The following XRCC4 variants were observed in gnomAD, a reference collection of about 807,000 sequenced individuals.
XRCC4 encodes the protein DNA repair protein XRCC4.
XRCC4 carries 28 observed loss-of-function variants against 39.1 expected under a neutral mutation model. The observed-to-expected ratio is 0.72, with a 90% CI of 0.53 to 0.98. The LOEUF is 0.98. Among genes scored for constraint, XRCC4 ranks in the 50% least tolerant of loss-of-function variants. The probability of loss-of-function intolerance (pLI) is 0.00; values close to 1 mark genes in which losing one functional copy is unlikely to be tolerated. For missense variants in XRCC4, 350 were observed against 376.4 expected (o/e 0.93, Z 0.58); for synonymous variants, 123 against 126.4 (o/e 0.97, Z 0.18).
intron 3 of XRCC4, among the ~76,000 whole-genome samples, chr5:83,156,218 G>T (rs1274532870): frequency 2.6e-5 from 4 of 151,350 alleles, no homozygotes; most frequent in East Asian, 3.9e-4. Context: ...TACAATTCGT[G>T]TGCAGTTATT....
chr5:83,269,089 G>A (rs951791177), intron 7 of XRCC4, among the ~76,000 whole-genome samples: 1 of 152,106 alleles, frequency 6.6e-6, no homozygotes, highest in African/African-American at 2.4e-5. Context: ...TAATAAGATG[G>A]TCTTTCGGGT....
chr5:83,276,243 A>G (rs960366539), intron 7 of XRCC4, among the ~76,000 whole-genome samples: 1 of 152,168 alleles, frequency 6.6e-6, no homozygotes, highest in African/African-American at 2.4e-5. Context: ...TTTATTAAAT[A>G]CTGTACAGAA....
At chr5:83,283,723 G>T (rs1305433821) in intron 7 of XRCC4, among the ~76,000 whole-genome samples, 3 of 152,022 alleles carry the variant, frequency 2.0e-5, no homozygotes. Context: ...TGTTCCATGT[G>T]CCCCACCTTC....
intron 7 of XRCC4, among the ~76,000 whole-genome samples, chr5:83,335,144 C>T (rs986646405): frequency 6.6e-6 from 1 of 151,900 alleles, no homozygotes; most frequent in Non-Finnish European, 1.5e-5. Context: ...CCTGTTAACC[C>T]ACCCTACCTA....
chr5:83,094,207 T>A (rs973197420), intron 1 of XRCC4, among the ~76,000 whole-genome samples: 2 of 152,116 alleles, frequency 1.3e-5, no homozygotes, highest in African/African-American at 4.8e-5. Flanking sequence ...CTACCTACTT[T>A]GTTTTTCTAC....
At chr5:83,247,262 C>G (rs1354465990) in intron 6 of XRCC4, among the ~76,000 whole-genome samples, 1 of 152,110 alleles carries the variant, frequency 6.6e-6, no homozygotes, top group Non-Finnish European at 1.5e-5. Context: ...GATGATGATG[C>G]CTTCATCCAT....
At chr5:83,132,296 A>C (rs7721584) in intron 3 of XRCC4, among the ~76,000 whole-genome samples, 73,571 of 151,676 alleles carry the variant, frequency 0.49, 18,812 homozygotes, top group African/African-American at 0.63. Flanking sequence ...TGACCTTTCT[A>C]TGTGGCTGCC....
intron 7 of XRCC4, among the ~76,000 whole-genome samples, chr5:83,262,261 T>C (rs1753779531): frequency 6.6e-6 from 1 of 152,172 alleles, no homozygotes; most frequent in South Asian, 2.1e-4. Flanking sequence ...AGTTTGTGCC[T>C]GGTTACTTCC....
intron 7 of XRCC4, among the ~76,000 whole-genome samples, chr5:83,300,952 T>G (rs1755264096): frequency 6.6e-6 from 1 of 152,218 alleles, no homozygotes; most frequent in South Asian, 2.1e-4. Flanking sequence ...GGTGTATATG[T>G]GCCACATTTT....
At chr5:83,246,324 T>G (rs1580419252) in intron 6 of XRCC4, among the ~76,000 whole-genome samples, 1 of 152,160 alleles carries the variant, frequency 6.6e-6, no homozygotes. Context: ...GACTAGAATA[T>G]TCTCCACAGG....
At chr5:83,294,474 CAGTT>C (rs1462008569) in intron 7 of XRCC4, among the ~76,000 whole-genome samples, 11 of 152,146 alleles carry the variant, frequency 7.2e-5, no homozygotes, top group Non-Finnish European at 1.3e-4. Flanking sequence ...TCATGACTGT[CAGTT>C]AAACTTCGGT....
chr5:83,358,704 C>T (rs1001810809), downstream of XRCC4, among the ~76,000 whole-genome samples: 3 of 152,130 alleles, frequency 2.0e-5, no homozygotes, highest in South Asian at 6.2e-4. Context: ...AAATCTCTGA[C>T]TTAACTGCAA....
chr5:83,279,035 TATA>T (rs1422393319), intron 7 of XRCC4, among the ~76,000 whole-genome samples: 1 of 145,864 alleles, frequency 6.9e-6, no homozygotes, highest in Non-Finnish European at 1.5e-5. Context: ...ATATATATTT[TATA>T]ATATATTATA....
chr5:83,135,545 G>A (rs1747854910), intron 3 of XRCC4, among the ~76,000 whole-genome samples: 1 of 151,646 alleles, frequency 6.6e-6, no homozygotes, highest in African/African-American at 2.4e-5. Context: ...CTCGTTTTTT[G>A]GGGATTCCAT....
chr5:83,325,856 C>T (rs1000081415), intron 7 of XRCC4, among the ~76,000 whole-genome samples: 3 of 151,886 alleles, frequency 2.0e-5, no homozygotes, highest in East Asian at 1.9e-4. Flanking sequence ...ATGGTATTTC[C>T]GGTTCTAGGT....
intron 3 of XRCC4, among the ~76,000 whole-genome samples, chr5:83,129,651 T>C (rs1383809870): frequency 6.6e-6 from 1 of 152,126 alleles, no homozygotes; most frequent in East Asian, 1.9e-4. Context: ...TTTTATTTCA[T>C]TGAGCGTGGT....
intron 4 of XRCC4, among the ~76,000 whole-genome samples, chr5:83,202,362 G>A (rs895087945): frequency 1.3e-5 from 2 of 152,160 alleles, no homozygotes; most frequent in Non-Finnish European, 2.9e-5. Flanking sequence ...GTCTGCTTTC[G>A]TGGAGTTCAC....
the XRCC4 span, among the ~76,000 whole-genome samples, chr5:83,360,014 T>C: frequency 6.6e-6 from 1 of 152,156 alleles, no homozygotes; most frequent in African/African-American, 2.4e-5. Flanking sequence ...CATAGTACTA[T>C]ATATTTTATA....
At chr5:83,127,546 CGTTTTT>C (rs1747330602) in intron 3 of XRCC4, among the ~76,000 whole-genome samples, 1 of 151,384 alleles carries the variant, frequency 6.6e-6, no homozygotes, top group South Asian at 2.1e-4. Flanking sequence ...TCCATTAAAC[CGTTTTT>C]GTTTTTGTTT....
Sources: gnomAD v4.1 joint callset for allele counts (sites outside exome capture counted in the v4.1 genomes callset) on GRCh38, gnomAD v4.1.1 for gene constraint, MANE v1.5 for transcripts, NCBI Gene and HGNC (gene_info 2026-07-23, HGNC 2026-07-21) for gene names.